The following DCAF6 variants were observed in gnomAD, a reference collection of about 807,000 sequenced individuals.
DCAF6 encodes DDB1- and CUL4-associated factor 6.
In DCAF6, 54 loss-of-function variants were observed where a neutral mutation model predicts 125.1. The ratio of observed to expected loss-of-function variants is 0.43; its 90% CI spans 0.35 to 0.54. The LOEUF (loss-of-function observed/expected upper bound fraction) is 0.54, where lower values mean the gene tolerates loss of function less well. Among genes scored for constraint, DCAF6 ranks in the 20% least tolerant of loss-of-function variants. The pLI is 0.01. For synonymous variants in DCAF6, 371 were observed against 390.4 expected, an observed-to-expected ratio of 0.95 and a Z score of 0.58; for missense variants, 934 against 1,161.7, an observed-to-expected ratio of 0.80 and a Z score of 2.85.
chr1:167,955,961 A>G (rs1051148835), intron 2 of DCAF6, among the ~76,000 whole-genome samples: 1 of 152,012 alleles, frequency 6.6e-6, no homozygotes, highest in South Asian at 2.1e-4. Context: ...GGGTCTCATT[A>G]TGTTGCCCGT....
intron 12 of DCAF6, among the ~76,000 whole-genome samples, chr1:168,030,849 G>A (rs1036644118): frequency 6.6e-6 from 1 of 152,210 alleles, no homozygotes; most frequent in Non-Finnish European, 1.5e-5. Context: ...TACTGTTGGA[G>A]ATTAACAGGT....
chr1:167,933,279 C>T (rs371224443), upstream of DCAF6, among the ~76,000 whole-genome samples: 8 of 151,676 alleles, frequency 5.3e-5, no homozygotes, highest in South Asian at 4.2e-4. Flanking sequence ...GTGATTCTCC[C>T]GCCTCAGCCT....
At chr1:167,991,686 T>A (rs563472641) in intron 6 of DCAF6, among the ~76,000 whole-genome samples, 1 of 152,264 alleles carries the variant, frequency 6.6e-6, no homozygotes, top group South Asian at 2.1e-4. Context: ...TACTGGAAGC[T>A]CTGTTCGATG....
rs1380663516 is a variant in DCAF6, at chr1:168,040,920, T to TA, written c.1728-2094dup. Among the ~76,000 whole-genome samples, 142 of 145,880 alleles carry TA rather than the reference T, an allele frequency of 9.7e-4. 1 individual carries two copies. The highest frequency in any genetic ancestry group is 3.6e-3 in the Middle Eastern group (1 of 274). On this transcript the variant is annotated intron_variant, in intron 13 of 21. Coordinates refer to ENST00000367840, the MANE Select transcript of DCAF6 (RefSeq NM_001198956.2). ...AAAAAAAAACCAAACAGGCAGAACT[T>TA]AAAAAAAAAAAGTATACAGACTTTT...
At chr1:168,008,120 C>T (rs1683616515) in intron 10 of DCAF6, among the ~76,000 whole-genome samples, 1 of 151,882 alleles carries the variant, frequency 6.6e-6, no homozygotes, top group African/African-American at 2.4e-5. Flanking sequence ...CAGGTTCCTG[C>T]CACCACACCC....
chr1:167,902,180 A>G, the DCAF6 span: 1 of 962,698 alleles, frequency 1.0e-6, no homozygotes, highest in African/African-American at 1.6e-5. Context: ...GGCTTATACT[A>G]AAGATCTCAT....
At chr1:167,985,995 T>G (rs180845185) in intron 4 of DCAF6, among the ~76,000 whole-genome samples, 1 of 152,308 alleles carries the variant, frequency 6.6e-6, no homozygotes, top group African/African-American at 2.4e-5. Flanking sequence ...GTGTCTGGCT[T>G]TTTTCACACA....
the DCAF6 span, among the ~76,000 whole-genome samples, chr1:167,897,435 T>C: frequency 1.3e-5 from 2 of 149,940 alleles, no homozygotes; most frequent in African/African-American, 4.9e-5. Flanking sequence ...AGTTAGAGGT[T>C]GAAGTGAGCT....
At chr1:167,886,772 A>G in the DCAF6 span, among the ~76,000 whole-genome samples, 2 of 152,254 alleles carry the variant, frequency 1.3e-5, no homozygotes, top group Non-Finnish European at 2.9e-5. Context: ...ACAGAATGGG[A>G]GAAAATTTTT....
rs148062410 is a variant in DCAF6, at chr1:168,063,290, A to G, written c.2301-331A>G. Among the ~76,000 whole-genome samples, 459 of 152,258 alleles carry G rather than the reference A, an allele frequency of 3.0e-3. 2 individuals carry two copies. The highest frequency in any genetic ancestry group is 5.6e-3 in the Non-Finnish European group (380 of 68,014). ...GAAAGAACATTGGATAAAATTTGTTATATTTGTAGTAAAATTGCACATGAA... is the reference window on the plus strand; with the variant it reads ...GAAAGAACATTGGATAAAATTTGTTGTATTTGTAGTAAAATTGCACATGAA... On this transcript the variant is annotated intron_variant, in intron 17 of 21. Coordinates refer to ENST00000367840, the MANE Select transcript of DCAF6 (RefSeq NM_001198956.2).
In DCAF6 at chr1:168,075,739, T is replaced by G. The variant is rs1039329051; in HGVS notation, c.*304T>G. ...AGCTTGGATCAATGTTGAAGAATAA[T>G]TTTCATCATAGTGAAAATGTTGGTT... is the stretch of plus-strand genomic sequence containing the variant. On this transcript the variant is annotated 3_prime_UTR_variant, in exon 22 of 22. Coordinates refer to ENST00000367840, the MANE Select transcript of DCAF6 (RefSeq NM_001198956.2). 1 of 239,394 alleles carries G rather than the reference T, an allele frequency of 4.2e-6. No homozygotes were observed. The allele number at this position is 239,394 out of a possible 1,614,324, so 14.8% of individuals were successfully genotyped here.
At chr1:167,968,912 C>G (rs1273664033) in intron 3 of DCAF6, among the ~76,000 whole-genome samples, 2 of 152,114 alleles carry the variant, frequency 1.3e-5, no homozygotes, top group Non-Finnish European at 2.9e-5. Context: ...AGTAGTCTTA[C>G]CTTTATCTGC....
chr1:167,895,322 T>C, the DCAF6 span, among the ~76,000 whole-genome samples: 1 of 152,162 alleles, frequency 6.6e-6, no homozygotes, highest in Non-Finnish European at 1.5e-5. Context: ...CATGAGGCTT[T>C]CTCCTTCATC....
the DCAF6 span, among the ~76,000 whole-genome samples, chr1:167,871,540 G>A: frequency 2.0e-5 from 3 of 152,212 alleles, no homozygotes; most frequent in African/African-American, 4.8e-5. Context: ...TGTAAGAATT[G>A]TAATTTCTAA....
chr1:167,985,922 C>A (rs1172913384), intron 4 of DCAF6, among the ~76,000 whole-genome samples: 2 of 152,136 alleles, frequency 1.3e-5, no homozygotes, highest in Admixed American at 1.3e-4. Context: ...CTTAAAAGTA[C>A]AGGTTAGTTT....
Position 168,063,779 on chromosome 1 carries a change from T to G in DCAF6, c.2439+20T>G, listed in dbSNP as rs1304469734. 3 of 1,591,048 alleles carry G rather than the reference T, an allele frequency of 1.9e-6. No homozygotes were observed. The Admixed American group carries it at 5.5e-5, about 29-fold the overall frequency. On this transcript the variant is annotated intron_variant, in intron 18 of 21. Coordinates refer to ENST00000367840, the MANE Select transcript of DCAF6 (RefSeq NM_001198956.2). ...ACAATGGTACCAAATGTTCATGGCA[T>G]TTTTTGGTGAAATTGCAGTTTCATG...
chr1:168,044,928 A>G lies in DCAF6; in HGVS notation c.1959A>G (p.Pro653=), dbSNP rs895090266. Residue 653 remains proline, a synonymous_variant, in exon 16 of 22, where the codon CCA becomes CCG. Coordinates refer to ENST00000367840, the MANE Select transcript of DCAF6 (RefSeq NM_001198956.2). ...ITQSDKFTAK[P]LDSNSGERND... Reference sequence around the variant, plus strand: ...AATCAGATAAGTTCACAGCCAAGCCATTGGATTCCAACTCAGGAGAAAGAA... The same window carrying G: ...AATCAGATAAGTTCACAGCCAAGCCGTTGGATTCCAACTCAGGAGAAAGAA... The G allele has an allele frequency of 6.2e-7, 1 of 1,614,004 alleles. No individual in the cohort carries two copies. Among genetic ancestry groups the G allele is most frequent in the Non-Finnish European group, 8.5e-7 (1 of 1,179,934 alleles).
At chr1:167,867,450 T>C in the DCAF6 span, among the ~76,000 whole-genome samples, 1 of 152,184 alleles carries the variant, frequency 6.6e-6, no homozygotes, top group African/African-American at 2.4e-5. Flanking sequence ...GTCACTGAGG[T>C]AGGACAAAAG....
At chr1:167,935,977 G>C, upstream of DCAF6, 1 of 685,480 alleles carries the variant, frequency 1.5e-6, no homozygotes, top group Non-Finnish European at 2.5e-6. Flanking sequence ...CCCTTCCCGC[G>C]GCTTTCCCTG....
Sources: allele counts gnomAD v4.1 joint callset (sites outside exome capture counted in the v4.1 genomes callset), GRCh38; gene constraint gnomAD v4.1.1; transcripts MANE v1.5; gene names NCBI Gene and HGNC (gene_info 2026-07-23, HGNC 2026-07-21).